The following TGM6 variants were observed in gnomAD, a reference collection of about 807,000 sequenced individuals.
TGM6 encodes the protein protein-glutamine gamma-glutamyltransferase 6.
Under a neutral mutation model 77.5 loss-of-function variants are expected in TGM6, and 74 were observed. That is an observed-to-expected ratio of 0.96 (90% CI 0.79 to 1.16). The LOEUF is 1.16. Among genes scored for constraint, TGM6 ranks in the 50% most tolerant of loss-of-function variants. The pLI is 0.00. For synonymous variants in TGM6, 383 were observed against 378.9 expected, an observed-to-expected ratio of 1.01 and a Z score of -0.12; for missense variants, 968 against 940.2, an observed-to-expected ratio of 1.03 and a Z score of -0.39.
At chr20:2,429,811 A>G (rs919123954) in intron 10 of TGM6, among the ~76,000 whole-genome samples, 5 of 152,106 alleles carry the variant, frequency 3.3e-5, no homozygotes, top group Non-Finnish European at 7.4e-5. Context: ...CCATGCTTAC[A>G]AGAAAAGAAC....
intron 1 of TGM6, among the ~76,000 whole-genome samples, chr20:2,383,530 A>G (rs1170470270): frequency 2.0e-5 from 3 of 152,232 alleles, no homozygotes; most frequent in African/African-American, 4.8e-5. Flanking sequence ...AAGGACCTTC[A>G]ATGCCAACAA....
chr20:2,418,787 T>A (rs1191156139), intron 10 of TGM6, among the ~76,000 whole-genome samples: 1 of 152,182 alleles, frequency 6.6e-6, no homozygotes, highest in Admixed American at 6.5e-5. Flanking sequence ...TCTTTAAAAA[T>A]ATATTGAGGC....
At chr20:2,396,301 A>T (rs752745709) in intron 3 of TGM6, among the ~76,000 whole-genome samples, 1 of 152,138 alleles carries the variant, frequency 6.6e-6, no homozygotes, top group Non-Finnish European at 1.5e-5. Flanking sequence ...CTCTTTTGGG[A>T]TTGGTCCCTG....
intron 10 of TGM6, among the ~76,000 whole-genome samples, chr20:2,429,387 G>A (rs140347198): frequency 1.3e-5 from 2 of 150,622 alleles, no homozygotes; most frequent in East Asian, 3.9e-4. Flanking sequence ...AGTGGGAGTA[G>A]AACAATAGGG....
At chr20:2,406,266 G>A (rs1213253840) in intron 9 of TGM6, among the ~76,000 whole-genome samples, 2 of 152,120 alleles carry the variant, frequency 1.3e-5, no homozygotes. Context: ...CTTCAGCTGG[G>A]AGCTTCTGGA....
intron 1 of TGM6, among the ~76,000 whole-genome samples, chr20:2,393,852 G>A (rs1225799263): frequency 3.3e-5 from 5 of 152,070 alleles, no homozygotes; most frequent in Non-Finnish European, 7.4e-5. Context: ...AAACAGAAAC[G>A]CACATATAAT....
rs139873583 is a variant in TGM6, at chr20:2,403,205, A to G, written c.990-192A>G. ...TTGATAAATGTACACACACATCTAT[A>G]TACACACATACACATATATATACAA... On this transcript the variant is annotated intron_variant, in intron 7 of 12. Coordinates refer to ENST00000202625, the MANE Select transcript of TGM6 (RefSeq NM_198994.3). Among the ~76,000 whole-genome samples, 47 of 152,320 alleles carry G rather than the reference A, an allele frequency of 3.1e-4. 1 individual carries two copies. In the East Asian group the frequency reaches 8.7e-3, roughly 28 times the overall value.
intron 1 of TGM6, among the ~76,000 whole-genome samples, chr20:2,385,253 G>A (rs1415219577): frequency 6.6e-6 from 1 of 152,126 alleles, no homozygotes; most frequent in Admixed American, 6.5e-5. Flanking sequence ...CTCAGAGGGT[G>A]ATGGGAGCTG....
chr20:2,407,689 A>G (rs1455324867), intron 9 of TGM6, among the ~76,000 whole-genome samples: 1 of 152,228 alleles, frequency 6.6e-6, no homozygotes, highest in Non-Finnish European at 1.5e-5. Flanking sequence ...CCAAGTTTCC[A>G]AAGCCCAGAA....
intron 10 of TGM6, among the ~76,000 whole-genome samples, chr20:2,425,824 CA>C (rs1174290082): frequency 6.6e-6 from 1 of 152,168 alleles, no homozygotes. Context: ...GGATATCCAT[CA>C]CCTTATACAT....
chr20:2,417,336 C>A lies in TGM6; in HGVS notation c.1441C>A (p.Leu481Ile). Residue 481 changes from leucine (L) to isoleucine (I), a missense_variant, in exon 10 of 13, where the codon CTC (leucine) becomes ATC (isoleucine). Transcript: ENST00000202625. ...GATCCGCAGGGCTGGGGGTCGCTGT[C>A]TCTGGCGTGACGACCTCCTGGAGCC... is the stretch of plus-strand genomic sequence containing the variant. ...IWIRRAGGRC[L>I]WRDDLLEPAT... is the part of the protein sequence containing the mutation. 2 of 1,613,932 alleles carry A rather than the reference C, an allele frequency of 1.2e-6. No homozygotes were observed. The highest frequency in any genetic ancestry group is 1.7e-6 in the Non-Finnish European group (2 of 1,180,002).
chr20:2,410,024 A>G (rs1432211502), intron 9 of TGM6, among the ~76,000 whole-genome samples: 2 of 152,330 alleles, frequency 1.3e-5, no homozygotes, highest in East Asian at 3.9e-4. Context: ...TTTCTGGCAC[A>G]CAGCTCCTAA....
rs201204278 is a variant in TGM6, at chr20:2,417,463, G to C, written c.1568G>C (p.Arg523Pro). ...LALCLANLTS[R>P]AQRVRVNLSG... is the part of the protein sequence containing the mutation. ...CTGTGCTTGGCCAACCTCACCTCCC[G>C]GGCCCAGCGGGTGAGGGTCAACCTG... is the stretch of plus-strand genomic sequence containing the variant. The change falls in exon 10 of 13, where the codon CGG becomes CCG. Residue 523 changes from arginine to proline, a missense_variant. Transcript: ENST00000202625. 10 of 1,610,816 alleles carry C rather than the reference G, an allele frequency of 6.2e-6. No homozygotes were observed. The East Asian group carries it at 2.2e-4, about 36-fold the overall frequency.
At chr20:2,392,817 C>T (rs889028753) in intron 1 of TGM6, among the ~76,000 whole-genome samples, 2 of 152,178 alleles carry the variant, frequency 1.3e-5, no homozygotes, top group African/African-American at 2.4e-5. Flanking sequence ...ATGAGAGGAT[C>T]ACTTGAGCCT....
At chr20:2,418,326 G>A (rs183425082) in intron 10 of TGM6, among the ~76,000 whole-genome samples, 1 of 152,324 alleles carries the variant, frequency 6.6e-6, no homozygotes, top group East Asian at 1.9e-4. Context: ...GCTTAAATGT[G>A]CCAAGTCCTG....
chr20:2,392,834 C>T (rs574995430), intron 1 of TGM6, among the ~76,000 whole-genome samples: 1 of 152,270 alleles, frequency 6.6e-6, no homozygotes, highest in South Asian at 2.1e-4. Context: ...GCCTGGGAGG[C>T]AGAGATTGCA....
At chr20:2,431,539 C>G (rs2084924151) in intron 12 of TGM6, among the ~76,000 whole-genome samples, 1 of 152,190 alleles carries the variant, frequency 6.6e-6, no homozygotes, top group African/African-American at 2.4e-5. Context: ...TTATACTGAC[C>G]TGTACTCTGG....
intron 9 of TGM6, among the ~76,000 whole-genome samples, chr20:2,406,591 T>G (rs1283405723): frequency 6.6e-6 from 1 of 150,934 alleles, no homozygotes; most frequent in East Asian, 2.0e-4. Context: ...ATCCCAGCAC[T>G]CTGGGAGGCC....
intron 7 of TGM6, 24 bp downstream of exon 7, chr20:2,400,468 C>A (rs1225882535): frequency 6.2e-7 from 1 of 1,613,852 alleles, no homozygotes; most frequent in South Asian, 1.1e-5. Flanking sequence ...CCAGCCTAGG[C>A]CCGAGGGCTC....
Sources: allele counts gnomAD v4.1 joint callset (sites outside exome capture counted in the v4.1 genomes callset), GRCh38; gene constraint gnomAD v4.1.1; transcripts MANE v1.5; gene names NCBI Gene and HGNC (gene_info 2026-07-23, HGNC 2026-07-21).